The following PRMT7 variants were observed in gnomAD, a reference collection of about 807,000 sequenced individuals.
PRMT7 encodes the protein protein arginine methyltransferase 7, also known as protein arginine N-methyltransferase 7.
In PRMT7, 75 loss-of-function variants were observed where a neutral mutation model predicts 85.4. The observed-to-expected ratio is 0.88, with a 90% confidence interval of 0.73 to 1.06. The LOEUF (loss-of-function observed/expected upper bound fraction) is 1.06, where lower values mean the gene tolerates loss of function less well. Ranked by LOEUF, PRMT7 falls within the 50% of genes least tolerant of loss-of-function variation. The pLI is 0.00. For synonymous variants in PRMT7, 397 were observed against 359.5 expected, an observed-to-expected ratio of 1.10 and a Z score of -1.18; for missense variants, 868 against 915.2, an observed-to-expected ratio of 0.95 and a Z score of 0.67.
intron 14 of PRMT7, among the ~76,000 whole-genome samples, chr16:68,349,379 C>T (rs1341166350): frequency 1.3e-5 from 2 of 152,200 alleles, no homozygotes; most frequent in Non-Finnish European, 2.9e-5. Context: ...GGATTCAAAT[C>T]TCATGTCCAG....
chr16:68,346,358 A>G, intron 11 of PRMT7, 78 bp downstream of exon 11: 2 of 1,592,372 alleles, frequency 1.3e-6, no homozygotes, highest in Non-Finnish European at 1.7e-6. Flanking sequence ...CACTTTGCTT[A>G]TGATTTGCTG....
At chr16:68,321,659 A>G (rs1211728157) in intron 4 of PRMT7, 197 bp downstream of exon 4, 2 of 510,484 alleles carry the variant, frequency 3.9e-6, no homozygotes, top group Non-Finnish European at 7.1e-6. Context: ...CTTTATCAAG[A>G]TAGAACTGAC....
At chr16:68,346,039 G>A in intron 10 of PRMT7, 106 bp from the exon 11 acceptor site, 1 of 1,525,592 alleles carries the variant, frequency 6.6e-7, no homozygotes, top group African/African-American at 1.4e-5. Context: ...ATTAGCGGGT[G>A]CTCTAAGCCC....
chr16:68,353,136 C>G (rs757359669), intron 15 of PRMT7, among the ~76,000 whole-genome samples: 3 of 152,056 alleles, frequency 2.0e-5, no homozygotes, highest in Non-Finnish European at 4.4e-5. Context: ...TTTTTCTCTC[C>G]CCAGCATCCT....
In PRMT7 at chr16:68,345,720, G is replaced by T. The variant is rs747100680; in HGVS notation, c.973G>T (p.Glu325Ter). The T allele has an allele frequency of 1.2e-6, 2 of 1,613,952 alleles. No individual in the cohort carries two copies. Among genetic ancestry groups the T allele is most frequent in the Non-Finnish European group, 1.7e-6 (2 of 1,180,026 alleles). Residue 325 changes from glutamate to a stop codon, truncating the protein, a stop_gained, in exon 10 of 19, where the codon GAG (glutamate) becomes TAG (stop). Coordinates refer to ENST00000441236, the MANE Select transcript of PRMT7 (RefSeq NM_019023.5). LOFTEE classifies it high-confidence loss of function. ...GTGTGTGTACTTCCTGCCACAAGAG[G>T]AGCCTGTGGTGCAGGGCTCAGCGCT... Reference protein sequence around the residue: ...MQCVYFLPQEEPVVQGSALYL... With the variant: ...MQCVYFLPQE
intron 6 of PRMT7, among the ~76,000 whole-genome samples, chr16:68,335,513 A>G (rs1414961876): frequency 1.3e-5 from 2 of 152,098 alleles, no homozygotes; most frequent in Non-Finnish European, 2.9e-5. Flanking sequence ...TCTGTGGCAG[A>G]AGACAGAAGT....
rs2083487796 is a variant in PRMT7, at chr16:68,329,046, G to A, written c.283-20G>A. ...TAATTTATTGCTCATTTTTCCTTGG[G>A]TTTCGGCTCTATTTTCTAGGTTTTC... On this transcript the variant is annotated intron_variant, in intron 5 of 18. Coordinates refer to ENST00000441236, the MANE Select transcript of PRMT7 (RefSeq NM_019023.5). The A allele has an allele frequency of 1.3e-6, 2 of 1,547,108 alleles. No homozygotes were observed. Among genetic ancestry groups the A allele is most frequent in the African/African-American group, 2.7e-5 (2 of 73,364 alleles).
chr16:68,348,943 T>A (rs2086847373), intron 14 of PRMT7, among the ~76,000 whole-genome samples: 1 of 152,182 alleles, frequency 6.6e-6, no homozygotes, highest in African/African-American at 2.4e-5. Flanking sequence ...CTGGCTGTAC[T>A]GCTCTTAGCT....
intron 5 of PRMT7, among the ~76,000 whole-genome samples, chr16:68,326,366 C>T (rs1288771343): frequency 6.6e-6 from 1 of 152,198 alleles, no homozygotes; most frequent in East Asian, 1.9e-4. Flanking sequence ...TTTTCTCAGC[C>T]TCCCAAATAG....
At chr16:68,334,673 G>T (rs2084390215) in intron 6 of PRMT7, among the ~76,000 whole-genome samples, 1 of 152,164 alleles carries the variant, frequency 6.6e-6, no homozygotes, top group Non-Finnish European at 1.5e-5. Flanking sequence ...AGCTCCTGGG[G>T]TGGCTACCTG....
At chr16:68,353,270 C>A in intron 15 of PRMT7, 1 of 952,662 alleles carries the variant, frequency 1.0e-6, no homozygotes, top group Non-Finnish European at 1.5e-6. Context: ...CCGACTGTCC[C>A]TTATAGGAGA....
chr16:68,347,198 C>T lies in PRMT7; in HGVS notation c.1192-13C>T. Reference sequence around the variant, plus strand: ...GGAGGAAGCCCTGTGCTGAGCTTGCCTGTTCCCCGCAGGTGCTGAAGCCAG... The same window carrying T: ...GGAGGAAGCCCTGTGCTGAGCTTGCTTGTTCCCCGCAGGTGCTGAAGCCAG... On this transcript the variant is annotated splice_polypyrimidine_tract_variant and intron_variant, in intron 11 of 18. Transcript: ENST00000441236. The T allele has an allele frequency of 6.4e-7, 1 of 1,551,094 alleles. No individual in the cohort carries two copies. Among genetic ancestry groups the T allele is most frequent in the Non-Finnish European group, 8.7e-7 (1 of 1,146,600 alleles).
chr16:68,313,385 C>G (rs1209054992), intron 2 of PRMT7, among the ~76,000 whole-genome samples: 3 of 152,116 alleles, frequency 2.0e-5, no homozygotes, highest in Admixed American at 2.0e-4. Context: ...CCACATGGAC[C>G]ACAGGATTAG....
intron 1 of PRMT7, 34 bp from the exon 2 acceptor site, chr16:68,312,008 T>A (rs1488472460): frequency 1.3e-5 from 2 of 151,934 alleles, no homozygotes; most frequent in Non-Finnish European, 1.5e-5. Flanking sequence ...AGAAGGTATT[T>A]AATAAATTTT....
chr16:68,334,087 T>C (rs543084473), intron 6 of PRMT7, among the ~76,000 whole-genome samples: 2 of 152,320 alleles, frequency 1.3e-5, no homozygotes, highest in Non-Finnish European at 2.9e-5. Flanking sequence ...GTAATACTTT[T>C]CTTCATAGCG....
At chr16:68,346,375 T>A in intron 11 of PRMT7, 95 bp downstream of exon 11, 1 of 1,560,994 alleles carries the variant, frequency 6.4e-7, no homozygotes, top group Non-Finnish European at 8.7e-7. Context: ...GCTGTTTCTT[T>A]CCTGTGTCCT....
chr16:68,340,256 CTGAG>C lies in PRMT7; in HGVS notation c.927+290_927+293del, dbSNP rs1181635726. ...ACCCTTAGATACCACCCCTCATCCC[CTGAG>C]TAATCCCAGGGGGCTCCCATCAGCT... On this transcript the variant is annotated intron_variant, in intron 9 of 18. Coordinates refer to ENST00000441236, the MANE Select transcript of PRMT7 (RefSeq NM_019023.5). 9.8e-5 allele frequency among the ~76,000 whole-genome samples: 15 copies of C among 152,308 alleles called. No homozygotes were observed. The East Asian group carries it at 2.3e-3, about 23-fold the overall frequency.
intron 9 of PRMT7, among the ~76,000 whole-genome samples, chr16:68,344,185 T>TCCCGTACA (rs894536444): frequency 4.7e-4 from 72 of 152,272 alleles, no homozygotes; most frequent in African/African-American, 1.4e-3. Context: ...CCCAGGCTGG[T>TCCCGTACA]CCCGTACACC....
chr16:68,347,561 G>A (rs373763806), intron 12 of PRMT7, 70 bp from the exon 13 acceptor site: 34 of 1,512,598 alleles, frequency 2.2e-5, no homozygotes, highest in South Asian at 5.7e-5. Context: ...TGGTCTTGTC[G>A]CATTTTAATC....
Sources: allele counts gnomAD v4.1 joint callset (sites outside exome capture counted in the v4.1 genomes callset), GRCh38; gene constraint gnomAD v4.1.1; transcripts MANE v1.5; gene names NCBI Gene and HGNC (gene_info 2026-07-23, HGNC 2026-07-21).